The following CNTN3 variants were observed in gnomAD, a reference collection of about 807,000 sequenced individuals.
CNTN3 encodes the protein contactin 3.
Under a neutral mutation model 119.1 loss-of-function variants are expected in CNTN3, and 60 were observed. That is an observed-to-expected ratio of 0.50 (90% CI 0.41 to 0.62). The LOEUF is 0.62. CNTN3 is among the 20% of genes least tolerant of loss of function. The pLI, the probability that CNTN3 is intolerant of heterozygous loss-of-function variation, is 0.00. For missense variants in CNTN3, 1,101 were observed against 1,242.4 expected (o/e 0.89, Z 1.71); for synonymous variants, 450 against 438.7 (o/e 1.03, Z -0.32).
chr3:74,470,724 C>T (rs1198012318), intron 4 of CNTN3, among the ~76,000 whole-genome samples: 4 of 152,142 alleles, frequency 2.6e-5, no homozygotes, highest in Admixed American at 2.6e-4. Flanking sequence ...TAATAACAAA[C>T]TCATGATCTT....
intron 5 of CNTN3, among the ~76,000 whole-genome samples, chr3:74,398,919 T>C (rs1369213298): frequency 1.3e-5 from 2 of 152,222 alleles, no homozygotes. Flanking sequence ...TACATATTTA[T>C]GGGATATGCA....
intron 4 of CNTN3, among the ~76,000 whole-genome samples, chr3:74,450,766 G>C (rs1262221704): frequency 6.7e-6 from 1 of 148,182 alleles, no homozygotes. Context: ...TGCAGTGTTT[G>C]GTTTTTTGTT....
rs1701507978 is a variant in CNTN3 at position 74,415,663 on chromosome 3, T to G, written c.454+9182A>C. Reference sequence around the variant, plus strand: ...CAGAATGATATACAGACACAAGCTGTTTCATAGAACCCAAGGGCTAGAAAA... The same window carrying G: ...CAGAATGATATACAGACACAAGCTGGTTCATAGAACCCAAGGGCTAGAAAA... On this transcript the variant is annotated intron_variant, in intron 5 of 22. Transcript: ENST00000263665. 3.3e-5 allele frequency among the ~76,000 whole-genome samples: 5 copies of G among 152,228 alleles called. No individual in the cohort carries two copies. In the South Asian group the frequency reaches 8.3e-4, roughly 25 times the overall value.
chr3:74,274,567 C>G (rs1217599235), intron 20 of CNTN3, among the ~76,000 whole-genome samples: 1 of 152,114 alleles, frequency 6.6e-6, no homozygotes, highest in African/African-American at 2.4e-5. Flanking sequence ...ATCACTACAG[C>G]TTGGCTCTCA....
intron 19 of CNTN3, among the ~76,000 whole-genome samples, chr3:74,294,826 C>T (rs938050617): frequency 8.5e-5 from 13 of 152,138 alleles, no homozygotes; most frequent in Non-Finnish European, 1.8e-4. Flanking sequence ...GAACTTGATA[C>T]TGCAGTTCAA....
In CNTN3 at chr3:74,365,600, C is replaced by A. The variant is rs548642965; in HGVS notation, c.1049G>T (p.Arg350Leu). Residue 350 changes from arginine to leucine, a missense_variant, in exon 9 of 23, where the codon CGA becomes CTA. Coordinates refer to ENST00000263665, the MANE Select transcript of CNTN3 (RefSeq NM_020872.3). Reference sequence around the variant, plus strand: ...CAGGGCTGCTCCATTTTTCAGCCATCGGTAGGAAGGCTTGGGCTTGCCGCT... The same window carrying A: ...CAGGGCTGCTCCATTTTTCAGCCATAGGTAGGAAGGCTTGGGCTTGCCGCT... The part of the protein sequence containing the change: ...RASGKPKPSY[R>L]WLKNGAALVL... 3.7e-6 allele frequency: 6 copies of A among 1,613,448 alleles called. No individual in the cohort carries two copies. Among genetic ancestry groups the A allele is most frequent in the African/African-American group, 1.3e-5 (1 of 74,984 alleles).
chr3:74,482,529 C>T lies in CNTN3; in HGVS notation c.358+3927G>A, dbSNP rs539511985. On this transcript the variant is annotated intron_variant, in intron 4 of 22. Coordinates refer to ENST00000263665, the MANE Select transcript of CNTN3 (RefSeq NM_020872.3). ...TCACAACCACTATTTTCAAGCCACT[C>T]GAACATTAAGATAGAATCTCTTTAG... Among the ~76,000 whole-genome samples, 5 of 152,106 alleles carry T rather than the reference C, an allele frequency of 3.3e-5. No homozygotes were observed. The South Asian group carries it at 8.3e-4, about 25-fold the overall frequency.
At chr3:74,307,879 T>A (rs906547000) in intron 13 of CNTN3, among the ~76,000 whole-genome samples, 20 of 152,124 alleles carry the variant, frequency 1.3e-4, no homozygotes, top group African/African-American at 3.9e-4. Context: ...GAAAAAAAAT[T>A]ACATTTTGAT....
chr3:74,453,053 C>T (rs1268803972), intron 4 of CNTN3, among the ~76,000 whole-genome samples: 3 of 151,746 alleles, frequency 2.0e-5, no homozygotes, highest in South Asian at 2.1e-4. Context: ...GGAGGTTTCC[C>T]TCTTTTTCTA....
intron 4 of CNTN3, among the ~76,000 whole-genome samples, chr3:74,439,824 A>G (rs984548306): frequency 1.3e-5 from 2 of 152,206 alleles, no homozygotes; most frequent in African/African-American, 2.4e-5. Context: ...CATTCTTTCA[A>G]TCATTCACCC....
At chr3:74,462,176 G>A (rs970194806) in intron 4 of CNTN3, among the ~76,000 whole-genome samples, 13 of 151,950 alleles carry the variant, frequency 8.6e-5, no homozygotes, top group African/African-American at 9.7e-5. Context: ...TTCACTTTCC[G>A]CCATGATTGT....
intron 5 of CNTN3, among the ~76,000 whole-genome samples, chr3:74,374,132 C>T (rs1704412872): frequency 6.6e-6 from 1 of 152,114 alleles, no homozygotes; most frequent in Non-Finnish European, 1.5e-5. Context: ...CGGCAACTCC[C>T]CATTTTTACA....
chr3:74,452,177 C>T (rs1291879926), intron 4 of CNTN3, among the ~76,000 whole-genome samples: 2 of 141,786 alleles, frequency 1.4e-5, no homozygotes, highest in African/African-American at 2.7e-5. Flanking sequence ...TGTTTGTATC[C>T]TCTTTTATTT....
Position 74,523,617 on chromosome 3 carries a change from T to G in CNTN3, c.-80-2425A>C, listed in dbSNP as rs75312636. ...ATTCGGCAATAACAGAATAACAGAC[T>G]TAAAAAGAATAGGTAGTTGGGAATT... On this transcript the variant is annotated intron_variant, in intron 1 of 22. Transcript: ENST00000263665. 6.5e-3 allele frequency among the ~76,000 whole-genome samples: 988 copies of G among 151,862 alleles called. 13 individuals are homozygous for G. Among genetic ancestry groups the G allele is most frequent in the African/African-American group, 0.022 (921 of 41,486 alleles).
chr3:74,300,588 G>A (rs1350507084), intron 16 of CNTN3, among the ~76,000 whole-genome samples: 3 of 152,162 alleles, frequency 2.0e-5, no homozygotes, highest in Non-Finnish European at 4.4e-5. Context: ...ACCAGGGCAA[G>A]CACAGTTCCT....
chr3:74,571,480 C>A (rs535391795), intron 1 of CNTN3, among the ~76,000 whole-genome samples: 39 of 152,242 alleles, frequency 2.6e-4, no homozygotes, highest in African/African-American at 9.1e-4. Flanking sequence ...ACCCTGGATA[C>A]GCTACCTCTC....
At chr3:74,433,996 T>C (rs1045690491) in intron 4 of CNTN3, among the ~76,000 whole-genome samples, 1 of 152,208 alleles carries the variant, frequency 6.6e-6, no homozygotes, top group African/African-American at 2.4e-5. Context: ...ATGTCTGAAA[T>C]AAGCATCCAT....
At chr3:74,451,386 T>G (rs918988424) in intron 4 of CNTN3, among the ~76,000 whole-genome samples, 31 of 152,296 alleles carry the variant, frequency 2.0e-4, no homozygotes, top group African/African-American at 6.7e-4. Flanking sequence ...GTAAATTTGT[T>G]TCAGTTCATT....
rs190474119 is a variant in CNTN3, at chr3:74,273,658, C to T, written c.2705-6280G>A. On this transcript the variant is annotated intron_variant, in intron 20 of 22. Coordinates refer to ENST00000263665, the MANE Select transcript of CNTN3 (RefSeq NM_020872.3). ...GGGTAGAAGAAGCAGCGGGAAAGGC[C>T]CTGTGAGTTCGCTGGGTCCCCAAGC... is the stretch of plus-strand genomic sequence containing the variant. Among the ~76,000 whole-genome samples, 393 of 152,248 alleles carry T rather than the reference C, an allele frequency of 2.6e-3. 5 individuals carry two copies. Among genetic ancestry groups the T allele is most frequent in the Non-Finnish European group, 9.0e-4 (61 of 68,028 alleles).
Sources: gnomAD v4.1 joint callset for allele counts (sites outside exome capture counted in the v4.1 genomes callset) on GRCh38, gnomAD v4.1.1 for gene constraint, MANE v1.5 for transcripts, NCBI Gene and HGNC (gene_info 2026-07-23, HGNC 2026-07-21) for gene names.